Variants in SEMA3C observed in about 807,000 individuals in gnomAD.
The protein encoded by SEMA3C is semaphorin 3C, also known as semaphorin-3C.
A neutral mutation model predicts 89.4 loss-of-function variants in SEMA3C; 47 were observed. That is an observed-to-expected ratio of 0.53 (90% CI 0.42 to 0.67). SEMA3C has a LOEUF of 0.67. SEMA3C is among the 30% of genes least tolerant of loss of function. SEMA3C has a pLI of 0.00. For missense variants in SEMA3C, 839 were observed against 929.1 expected (o/e 0.90, Z 1.26); for synonymous variants, 310 against 320.2 (o/e 0.97, Z 0.34).
At position 80,857,148 on chromosome 7, in the gene SEMA3C, G is replaced by A. The variant is rs757408959; in HGVS notation, c.104-28403C>T. Reference sequence around the variant, plus strand: ...CCACCTTTGCCTTTCATTAATTCCCGAATTAAATGTGTTTTATTTGCCTTG... The same window carrying A: ...CCACCTTTGCCTTTCATTAATTCCCAAATTAAATGTGTTTTATTTGCCTTG... On this transcript the variant is annotated intron_variant, in intron 2 of 17. Coordinates refer to ENST00000265361, the MANE Select transcript of SEMA3C (RefSeq NM_006379.5). Among the ~76,000 whole-genome samples, 8 of 152,062 alleles carry A rather than the reference G, an allele frequency of 5.3e-5. 1 individual carries two copies. Among genetic ancestry groups the A allele is most frequent in the South Asian group, 4.2e-4 (2 of 4,806 alleles).
chr7:80,758,577 C>A, intron 14 of SEMA3C, 89 bp from the exon 15 acceptor site: 6 of 1,269,328 alleles, frequency 4.7e-6, no homozygotes, highest in Non-Finnish European at 6.8e-6. Context: ...TGCCCACAAA[C>A]CCTTGGATTC....
chr7:80,825,029 C>A (rs2115796933), intron 4 of SEMA3C, among the ~76,000 whole-genome samples: 1 of 152,174 alleles, frequency 6.6e-6, no homozygotes, highest in Non-Finnish European at 1.5e-5. Flanking sequence ...TGAAAGAATT[C>A]CTGTATTTTA....
At chr7:80,761,285 A>G (rs1342846916) in intron 14 of SEMA3C, among the ~76,000 whole-genome samples, 1 of 152,162 alleles carries the variant, frequency 6.6e-6, no homozygotes, top group African/African-American at 2.4e-5. Flanking sequence ...CCCAAACTTT[A>G]TGCTAAATTC....
upstream of SEMA3C, among the ~76,000 whole-genome samples, chr7:80,919,596 G>GT (rs1317575281): frequency 1.4e-5 from 2 of 148,094 alleles, no homozygotes; most frequent in Non-Finnish European, 3.0e-5. Flanking sequence ...TTTTTGTTTT[G>GT]TTTTTGGAGA....
intron 15 of SEMA3C, among the ~76,000 whole-genome samples, chr7:80,753,895 G>GA (rs1029334120): frequency 1.6e-4 from 24 of 151,910 alleles, no homozygotes; most frequent in Middle Eastern, 3.4e-3. Flanking sequence ...GAGTGAAAAT[G>GA]AAAAAAATGC....
intron 2 of SEMA3C, among the ~76,000 whole-genome samples, chr7:80,861,295 T>C (rs1583951517): frequency 6.6e-6 from 1 of 152,184 alleles, no homozygotes; most frequent in Non-Finnish European, 1.5e-5. Context: ...CAACTAGTTC[T>C]GAAAACTTAC....
chr7:80,922,078 G>A (rs985346829), upstream of SEMA3C, among the ~76,000 whole-genome samples: 4 of 151,986 alleles, frequency 2.6e-5, no homozygotes, highest in African/African-American at 9.7e-5. Context: ...AATAGATTGT[G>A]TATTTGCGAG....
chr7:80,804,116 C>T lies in SEMA3C; in HGVS notation c.791G>A (p.Arg264Gln), dbSNP rs778851229. Residue 264 changes from arginine to glutamine, a missense_variant, in exon 8 of 18, where the codon CGA becomes CAA. Transcript: ENST00000265361. ...AGCATTAATACTTACAGGACATATT[C>T]GAGCAATCATGGAATGAATCTGTTT... ...STKQIHSMIA[R>Q]ICPNDTGGLR... The T allele has an allele frequency of 2.5e-6, 4 of 1,609,000 alleles. No homozygotes were observed. Among genetic ancestry groups the T allele is most frequent in the Admixed American group, 3.4e-5 (2 of 59,510 alleles).
intron 16 of SEMA3C, among the ~76,000 whole-genome samples, chr7:80,750,501 C>T (rs2141170): frequency 0.047 from 6,331 of 135,948 alleles, 417 homozygotes; most frequent in East Asian, 0.24. Flanking sequence ...CACACACACA[C>T]ATACACACAC....
At chr7:80,866,109 G>A (rs987979731) in intron 2 of SEMA3C, among the ~76,000 whole-genome samples, 9 of 152,110 alleles carry the variant, frequency 5.9e-5, no homozygotes, top group Non-Finnish European at 8.8e-5. Context: ...GCAGGATAAA[G>A]ATCCAACAGT....
At chr7:80,853,953 T>TA (rs555067667) in intron 2 of SEMA3C, among the ~76,000 whole-genome samples, 25 of 148,248 alleles carry the variant, frequency 1.7e-4, no homozygotes, top group African/African-American at 5.2e-4. Context: ...ATATTAAAAA[T>TA]AAAAAAAATG....
chr7:80,745,658 A>G (rs1426347417), intron 17 of SEMA3C, among the ~76,000 whole-genome samples: 1 of 152,136 alleles, frequency 6.6e-6, no homozygotes, highest in Non-Finnish European at 1.5e-5. Flanking sequence ...AATATCTGTA[A>G]ATGAAACTCA....
At chr7:80,861,135 T>A (rs1562910240) in intron 2 of SEMA3C, among the ~76,000 whole-genome samples, 1 of 152,120 alleles carries the variant, frequency 6.6e-6, no homozygotes, top group African/African-American at 2.4e-5. Context: ...ACTTTCAGTA[T>A]AAAACGCATG....
At chr7:80,866,338 A>T (rs932839907) in intron 2 of SEMA3C, among the ~76,000 whole-genome samples, 2 of 152,172 alleles carry the variant, frequency 1.3e-5, no homozygotes, top group Non-Finnish European at 2.9e-5. Context: ...AAATTAAAAA[A>T]ATATTTACAC....
chr7:80,761,649 A>C lies in SEMA3C; in HGVS notation c.1452T>G (p.Ala484=). The C allele has an allele frequency of 7.5e-7, 1 of 1,338,960 alleles. No homozygotes were observed. Among genetic ancestry groups the C allele is most frequent in the Non-Finnish European group, 1.0e-6 (1 of 972,728 alleles). 82.9% of individuals were successfully genotyped at this position (1,338,960 alleles called of 1,614,324 possible). Residue 484 remains alanine, a synonymous_variant, in exon 14 of 18, where the codon GCT becomes GCG. Coordinates refer to ENST00000265361, the MANE Select transcript of SEMA3C (RefSeq NM_006379.5). ...LEELEVFKNH[A]PITTMKISSK... is the part of the protein sequence containing the mutation. ...ATGAAATTTTCATTGTTGTTATAGG[A>C]GCATGATTCTAAAATATTAGAAAAC...
chr7:80,786,042 A>T (rs1788794628), intron 12 of SEMA3C, among the ~76,000 whole-genome samples: 1 of 152,194 alleles, frequency 6.6e-6, no homozygotes, highest in African/African-American at 2.4e-5. Flanking sequence ...CTTCAGTAAG[A>T]TGCTGTTGGC....
rs371150737 is a variant in SEMA3C at position 80,782,613 on chromosome 7, T to C, written c.1354+6693A>G. Reference sequence around the variant, plus strand: ...ATGGGTTTATATTCTGGTTGTATTATATATTAACTGCTATCTCTATGATAT... The same window carrying C: ...ATGGGTTTATATTCTGGTTGTATTACATATTAACTGCTATCTCTATGATAT... On this transcript the variant is annotated intron_variant, in intron 12 of 17. Coordinates refer to ENST00000265361, the MANE Select transcript of SEMA3C (RefSeq NM_006379.5). Among the ~76,000 whole-genome samples the C allele has an allele frequency of 3.3e-5, 5 of 152,346 alleles. No homozygotes were observed. The East Asian group carries it at 9.6e-4, about 29-fold the overall frequency.
At chr7:80,881,734 A>G (rs1729645325) in intron 2 of SEMA3C, among the ~76,000 whole-genome samples, 1 of 152,180 alleles carries the variant, frequency 6.6e-6, no homozygotes, top group Non-Finnish European at 1.5e-5. Context: ...TTAGATTCAT[A>G]TTGTTCCTTA....
At chr7:80,840,396 G>A (rs1790235063) in intron 2 of SEMA3C, among the ~76,000 whole-genome samples, 1 of 151,596 alleles carries the variant, frequency 6.6e-6, no homozygotes, top group African/African-American at 2.4e-5. Context: ...GCATGCACCT[G>A]TAGTCCCAGC....
Sources: gnomAD v4.1 joint callset for allele counts (sites outside exome capture counted in the v4.1 genomes callset) on GRCh38, gnomAD v4.1.1 for gene constraint, MANE v1.5 for transcripts, NCBI Gene and HGNC (gene_info 2026-07-23, HGNC 2026-07-21) for gene names.